The following DENND1B variants were observed in gnomAD, a reference collection of about 807,000 sequenced individuals.
DENND1B encodes the protein DENN domain containing 1B.
DENND1B carries 59 observed loss-of-function variants against 90.1 expected under a neutral mutation model. The ratio of observed to expected loss-of-function variants is 0.65; its 90% CI spans 0.53 to 0.81. DENND1B has a LOEUF of 0.81. Ranked by LOEUF, DENND1B falls within the 40% of genes least tolerant of loss-of-function variation. The probability of loss-of-function intolerance (pLI) is 0.00; values close to 1 mark genes in which losing one functional copy is unlikely to be tolerated. For missense variants in DENND1B, 862 were observed against 912.6 expected, an observed-to-expected ratio of 0.94 and a Z score of 0.71; for synonymous variants, 337 against 324.6, an observed-to-expected ratio of 1.04 and a Z score of -0.41.
At chr1:197,557,848 A>G (rs1295605875) in intron 15 of DENND1B, among the ~76,000 whole-genome samples, 1 of 151,890 alleles carries the variant, frequency 6.6e-6, no homozygotes, top group East Asian at 1.9e-4. Context: ...TTTCATAATA[A>G]GTAAAAGAGA....
At chr1:197,682,835 G>A (rs60625077) in intron 3 of DENND1B, among the ~76,000 whole-genome samples, 4,909 of 152,282 alleles carry the variant, frequency 0.032, 260 homozygotes, top group African/African-American at 0.11. Context: ...ACTGGATTGA[G>A]AAATAACCAG....
chr1:197,568,526 G>T (rs1672881821), intron 15 of DENND1B, among the ~76,000 whole-genome samples: 1 of 151,960 alleles, frequency 6.6e-6, no homozygotes. Context: ...AACCACAAAA[G>T]ACCTCAAATA....
chr1:197,517,385 T>C (rs1398473567), intron 20 of DENND1B, among the ~76,000 whole-genome samples: 2 of 151,912 alleles, frequency 1.3e-5, no homozygotes, highest in African/African-American at 4.8e-5. Flanking sequence ...GGGTTCCCTT[T>C]GTTCTAACCA....
chr1:197,728,544 A>C (rs1420529316), intron 2 of DENND1B, among the ~76,000 whole-genome samples: 1 of 152,190 alleles, frequency 6.6e-6, no homozygotes, highest in Non-Finnish European at 1.5e-5. Flanking sequence ...AAAGTTTCAG[A>C]ATCAGCCTTC....
chr1:197,707,957 A>T (rs1164090868), intron 3 of DENND1B, among the ~76,000 whole-genome samples: 11 of 152,012 alleles, frequency 7.2e-5, no homozygotes, highest in Admixed American at 7.2e-4. Flanking sequence ...AAGTCAAAGA[A>T]AGGGGTGACG....
intron 2 of DENND1B, among the ~76,000 whole-genome samples, chr1:197,752,813 G>A (rs1653746197): frequency 6.6e-6 from 1 of 151,850 alleles, no homozygotes; most frequent in South Asian, 2.1e-4. Context: ...AGGCCCCGGT[G>A]TGTGATGTTC....
intron 3 of DENND1B, among the ~76,000 whole-genome samples, chr1:197,694,378 T>C (rs1014729691): frequency 1.3e-5 from 2 of 151,504 alleles, no homozygotes; most frequent in African/African-American, 4.8e-5. Context: ...GCTACTCTTG[T>C]TGTTTCCATT....
In DENND1B at chr1:197,505,852, G is replaced by C. The variant is rs1329674869; in HGVS notation, c.*4608C>G. 6.6e-6 allele frequency: 1 copy of C among 151,576 alleles called. No homozygotes were observed. The highest frequency in any genetic ancestry group is 6.6e-5 in the Admixed American group (1 of 15,184). 9.4% of individuals were successfully genotyped at this position (151,576 alleles called of 1,614,324 possible). A position where few individuals can be genotyped will look rare whatever the true frequency, so the allele number is the denominator to read the frequency against. Reference sequence around the variant, plus strand: ...TTTGATTTAGGTGGTGCAGAACTGAGTATCTGTTAAATGTACACATGTAGA... The same window carrying C: ...TTTGATTTAGGTGGTGCAGAACTGACTATCTGTTAAATGTACACATGTAGA... On this transcript the variant is annotated 3_prime_UTR_variant, in exon 23 of 23. Coordinates refer to ENST00000620048, the MANE Select transcript of DENND1B (RefSeq NM_001195215.2).
In DENND1B at chr1:197,564,567, G is replaced by A. The variant is rs547145353; in HGVS notation, c.1150-11455C>T. 5.5e-4 allele frequency among the ~76,000 whole-genome samples: 83 copies of A among 151,864 alleles called. 4 individuals carry two copies. In the South Asian group the frequency reaches 0.017, roughly 32 times the overall value. ...ATAAACCTAATGTTTATATGCACTG[G>A]GAAACAAAAAACTTTGTGTAATTCA... On this transcript the variant is annotated intron_variant, in intron 15 of 22. Coordinates refer to ENST00000620048, the MANE Select transcript of DENND1B (RefSeq NM_001195215.2).
chr1:197,682,197 GT>G (rs1309560828), intron 3 of DENND1B, among the ~76,000 whole-genome samples: 1 of 151,956 alleles, frequency 6.6e-6, no homozygotes, highest in African/African-American at 2.4e-5. Flanking sequence ...TCTGGCGTCA[GT>G]GGCATATTAT....
chr1:197,534,542 T>G (rs1322395571), intron 20 of DENND1B, among the ~76,000 whole-genome samples: 1 of 152,190 alleles, frequency 6.6e-6, no homozygotes, highest in Admixed American at 6.5e-5. Flanking sequence ...ACCAAAACTT[T>G]GCGGATTATG....
chr1:197,598,208 A>G (rs1014907250), intron 13 of DENND1B, among the ~76,000 whole-genome samples: 2 of 151,858 alleles, frequency 1.3e-5, no homozygotes, highest in Non-Finnish European at 2.9e-5. Context: ...TTACATAAAA[A>G]TAATTTTTCC....
intron 5 of DENND1B, among the ~76,000 whole-genome samples, chr1:197,667,499 A>T (rs1451558991): frequency 6.6e-6 from 1 of 151,966 alleles, no homozygotes; most frequent in Non-Finnish European, 1.5e-5. Flanking sequence ...GCACAATCTC[A>T]GCTAACTGCA....
At chr1:197,764,952 C>CTGCCT (rs1655521265) in intron 2 of DENND1B, among the ~76,000 whole-genome samples, 1 of 152,030 alleles carries the variant, frequency 6.6e-6, no homozygotes, top group African/African-American at 2.4e-5. Flanking sequence ...ATGATAATGG[C>CTGCCT]ACCTACAAGG....
Position 197,775,113 on chromosome 1 carries a change from C to G in DENND1B, c.17+26G>C, listed in dbSNP as rs1028203970. 374 of 1,264,188 alleles carry G rather than the reference C, an allele frequency of 3.0e-4. 1 individual carries two copies. Among genetic ancestry groups the G allele is most frequent in the Non-Finnish European group, 3.5e-4 (342 of 991,218 alleles). 78.3% of individuals were successfully genotyped at this position (1,264,188 alleles called of 1,614,324 possible). The stretch of plus-strand genomic sequence containing the variant: ...GGGGCCGCCGAGGGACGCCCGCCCC[C>G]GACGCGCCCGGGCCCCCCCACTCAC... On this transcript the variant is annotated intron_variant, in intron 1 of 22. Transcript: ENST00000620048.
chr1:197,560,301 G>A (rs1672057886), intron 15 of DENND1B, among the ~76,000 whole-genome samples: 1 of 151,780 alleles, frequency 6.6e-6, no homozygotes, highest in African/African-American at 2.4e-5. Context: ...CTGAAATACA[G>A]GAATAAATGA....
chr1:197,673,993 T>A (rs1222150275), intron 4 of DENND1B, 127 bp downstream of exon 4: 1 of 684,146 alleles, frequency 1.5e-6, no homozygotes, highest in African/African-American at 1.9e-5. Context: ...CTCTTTTCAA[T>A]CTCTAGCCTT....
At chr1:197,707,672 TAATAA>T (rs998756042) in intron 3 of DENND1B, among the ~76,000 whole-genome samples, 2 of 144,902 alleles carry the variant, frequency 1.4e-5, no homozygotes, top group Admixed American at 1.4e-4. Context: ...ATATATAATA[TAATAA>T]TATAATATAA....
At chr1:197,754,199 T>C (rs1248621436) in intron 2 of DENND1B, among the ~76,000 whole-genome samples, 3 of 152,130 alleles carry the variant, frequency 2.0e-5, no homozygotes, top group Non-Finnish European at 4.4e-5. Flanking sequence ...CCCAGTATTG[T>C]GGAGAACTGT....
Sources: allele counts gnomAD v4.1 joint callset (sites outside exome capture counted in the v4.1 genomes callset), GRCh38; gene constraint gnomAD v4.1.1; transcripts MANE v1.5; gene names NCBI Gene and HGNC (gene_info 2026-07-23, HGNC 2026-07-21).